Variants in PITPNC1 observed in about 807,000 individuals in gnomAD.
PITPNC1 encodes the protein phosphatidylinositol transfer protein cytoplasmic 1.
A neutral mutation model predicts 44.7 loss-of-function variants in PITPNC1; 18 were observed. That is an observed-to-expected ratio of 0.40 (90% CI 0.28 to 0.60). PITPNC1 has a LOEUF of 0.60. Among genes scored for constraint, PITPNC1 ranks in the 20% least tolerant of loss-of-function variants. The pLI is 0.39. For missense variants in PITPNC1, 290 were observed against 418.4 expected (o/e 0.69, Z 2.68); for synonymous variants, 141 against 149.6 (o/e 0.94, Z 0.42).
intron 7 of PITPNC1, among the ~76,000 whole-genome samples, chr17:67,672,862 G>T (rs1164099827): frequency 6.6e-6 from 1 of 152,094 alleles, no homozygotes; most frequent in African/African-American, 2.4e-5. Flanking sequence ...TGCCAGGGAT[G>T]CCTTTCTCTG....
chr17:67,410,967 C>T (rs1431174328), intron 1 of PITPNC1, among the ~76,000 whole-genome samples: 1 of 151,626 alleles, frequency 6.6e-6, no homozygotes, highest in Non-Finnish European at 1.5e-5. Flanking sequence ...CCTGTAATCC[C>T]AGCTACTCGG....
chr17:67,658,910 G>T (rs770351785), intron 6 of PITPNC1, among the ~76,000 whole-genome samples: 18 of 152,140 alleles, frequency 1.2e-4, no homozygotes, highest in Non-Finnish European at 1.9e-4. Flanking sequence ...AGTTGTTTAC[G>T]TGCAACTATC....
intron 1 of PITPNC1, among the ~76,000 whole-genome samples, chr17:67,511,742 C>T (rs560080387): frequency 6.6e-6 from 1 of 152,308 alleles, no homozygotes; most frequent in African/African-American, 2.4e-5. Flanking sequence ...CTCCTGACCT[C>T]AGATGATCCA....
chr17:67,488,728 G>A (rs1286756830), intron 1 of PITPNC1, among the ~76,000 whole-genome samples: 1 of 152,112 alleles, frequency 6.6e-6, no homozygotes, highest in East Asian at 1.9e-4. Flanking sequence ...AGTGGTAACT[G>A]CCTGTTCCCC....
chr17:67,634,367 A>G (rs1014892051), intron 6 of PITPNC1, among the ~76,000 whole-genome samples: 4 of 152,054 alleles, frequency 2.6e-5, no homozygotes, highest in African/African-American at 9.7e-5. Context: ...ACTTGAGTTC[A>G]GGAGTTCGAG....
At chr17:67,583,881 G>T (rs2041271907) in intron 5 of PITPNC1, among the ~76,000 whole-genome samples, 1 of 141,354 alleles carries the variant, frequency 7.1e-6, no homozygotes, top group Non-Finnish European at 1.5e-5. Flanking sequence ...GTGTGTGTGT[G>T]TGTGTGTGTG....
At chr17:67,525,182 T>A (rs983436626) in intron 1 of PITPNC1, 5 of 152,206 alleles carry the variant, frequency 3.3e-5, no homozygotes, top group African/African-American at 1.2e-4. Context: ...AAAGGCTCAG[T>A]GGCCACACAT....
intron 3 of PITPNC1, among the ~76,000 whole-genome samples, chr17:67,553,012 T>C (rs1214266746): frequency 1.3e-5 from 2 of 152,218 alleles, no homozygotes; most frequent in Non-Finnish European, 2.9e-5. Context: ...TAAAAGATTC[T>C]ATTGGATCTC....
At chr17:67,659,589 C>G (rs150668789) in intron 6 of PITPNC1, among the ~76,000 whole-genome samples, 55 of 152,234 alleles carry the variant, frequency 3.6e-4, no homozygotes, top group African/African-American at 1.3e-3. Context: ...AATAACAGAC[C>G]AGTCTAGATT....
chr17:67,583,575 G>A (rs1017560540), intron 5 of PITPNC1, among the ~76,000 whole-genome samples: 1 of 134,824 alleles, frequency 7.4e-6, no homozygotes, highest in Admixed American at 7.3e-5. Context: ...GCAACAGAGC[G>A]AGACTCCTTC....
At chr17:67,593,056 A>G (rs2144259658) in intron 5 of PITPNC1, among the ~76,000 whole-genome samples, 2 of 152,286 alleles carry the variant, frequency 1.3e-5, no homozygotes, top group East Asian at 3.9e-4. Context: ...AAGAAAGAAA[A>G]GAATGGATCC....
intron 1 of PITPNC1, among the ~76,000 whole-genome samples, chr17:67,395,515 C>A (rs2038206526): frequency 6.6e-6 from 1 of 152,162 alleles, no homozygotes; most frequent in African/African-American, 2.4e-5. Flanking sequence ...AGGAGCATGT[C>A]TTCTGAAATG....
chr17:67,535,049 C>G (rs1485002545), intron 2 of PITPNC1, among the ~76,000 whole-genome samples: 1 of 152,192 alleles, frequency 6.6e-6, no homozygotes, highest in Non-Finnish European at 1.5e-5. Flanking sequence ...CAGTGAAGGG[C>G]ATGAGCTGAT....
intron 1 of PITPNC1, among the ~76,000 whole-genome samples, chr17:67,501,525 CT>C (rs1445159360): frequency 6.6e-6 from 1 of 152,102 alleles, no homozygotes; most frequent in Admixed American, 6.5e-5. Flanking sequence ...CCTCTTGTAA[CT>C]TCCACATTAA....
intron 1 of PITPNC1, among the ~76,000 whole-genome samples, chr17:67,408,198 C>T (rs567353676): frequency 3.9e-5 from 6 of 152,252 alleles, no homozygotes; most frequent in African/African-American, 1.4e-4. Context: ...AGGCAGTCCA[C>T]CCACCTCAGC....
At chr17:67,682,252 C>G (rs1363802123) in intron 8 of PITPNC1, among the ~76,000 whole-genome samples, 2 of 152,048 alleles carry the variant, frequency 1.3e-5, no homozygotes, top group Non-Finnish European at 2.9e-5. Flanking sequence ...ACATGTACAA[C>G]AAGTACAAAG....
chr17:67,656,404 A>G (rs2042268329), intron 6 of PITPNC1, among the ~76,000 whole-genome samples: 1 of 152,146 alleles, frequency 6.6e-6, no homozygotes, highest in Non-Finnish European at 1.5e-5. Context: ...TCTGTATCTT[A>G]TAAGGACACT....
rs9900354 is a variant in PITPNC1, at chr17:67,575,867, T to G, written c.295-2319T>G. Among the ~76,000 whole-genome samples, 55 of 20,426 alleles carry G rather than the reference T, an allele frequency of 2.7e-3. 3 individuals are homozygous for G. Among genetic ancestry groups the G allele is most frequent in the South Asian group, 4.5e-3 (4 of 898 alleles). The allele number at this position is 20,426 out of a possible 152,430, so 13.4% of individuals were successfully genotyped here. A position where few individuals can be genotyped will look rare whatever the true frequency, so the allele number is the denominator to read the frequency against. On this transcript the variant is annotated intron_variant, in intron 4 of 8. Coordinates refer to ENST00000581322, the MANE Select transcript of PITPNC1 (RefSeq NM_012417.4). ...CTTTCTTTCTTTCTTTCCTTCCTTC[T>G]TTCTTTCTTTCCTTTTTTTTTTTTT...
intron 1 of PITPNC1, among the ~76,000 whole-genome samples, chr17:67,412,598 C>G (rs1472186054): frequency 2.6e-4 from 40 of 152,086 alleles, no homozygotes; most frequent in Non-Finnish European, 1.8e-4. Flanking sequence ...CGGAGTTTCG[C>G]TCTTGTTGTC....
Sources: gnomAD v4.1 joint callset for allele counts (sites outside exome capture counted in the v4.1 genomes callset) on GRCh38, gnomAD v4.1.1 for gene constraint, MANE v1.5 for transcripts, NCBI Gene and HGNC (gene_info 2026-07-23, HGNC 2026-07-21) for gene names.